The following TTC39A variants were observed in gnomAD, a reference collection of about 807,000 sequenced individuals.
The protein encoded by TTC39A is tetratricopeptide repeat protein 39A.
In TTC39A, 46 loss-of-function variants were observed where a neutral mutation model predicts 82.3. The observed-to-expected ratio is 0.56, with a 90% CI of 0.44 to 0.71. The LOEUF is 0.71. Ranked by LOEUF, TTC39A falls within the 30% of genes least tolerant of loss-of-function variation. The pLI, the probability that TTC39A is intolerant of heterozygous loss-of-function variation, is 0.00. For synonymous variants in TTC39A, 254 were observed against 275.2 expected, an observed-to-expected ratio of 0.92 and a Z score of 0.76; for missense variants, 543 against 712.9, an observed-to-expected ratio of 0.76 and a Z score of 2.71.
chr1:51,295,870 G>A (rs940103693), intron 13 of TTC39A: 2 of 606,344 alleles, frequency 3.3e-6, no homozygotes, highest in Non-Finnish European at 5.9e-6. Flanking sequence ...TCTGAAGAAA[G>A]TCAAAGGGCT....
Position 51,305,915 on chromosome 1 carries a change from A to G in TTC39A, c.588+62T>C, listed in dbSNP as rs1412283432. 3.3e-6 allele frequency: 5 copies of G among 1,522,350 alleles called. No individual in the cohort carries two copies. In the African/African-American group the frequency reaches 6.8e-5, roughly 21 times the overall value. 94.3% of individuals were successfully genotyped at this position (1,522,350 alleles called of 1,614,324 possible). A position where few individuals can be genotyped will look rare whatever the true frequency, so the allele number is the denominator to read the frequency against. ...ACTTGGCAGTGACCACACATGAGTC[A>G]GGGACAGAAGGGGAGACTGAGCTCA... On this transcript the variant is annotated intron_variant, in intron 7 of 17. Coordinates refer to ENST00000680483, the MANE Select transcript of TTC39A (RefSeq NM_001297663.2).
Position 51,289,970 on chromosome 1 carries a change from T to C in TTC39A, c.1493+35A>G, listed in dbSNP as rs1002961156. 1.9e-6 allele frequency: 3 copies of C among 1,580,210 alleles called. No individual in the cohort carries two copies. In the African/African-American group the frequency reaches 4.1e-5, roughly 21 times the overall value. On this transcript the variant is annotated intron_variant, in intron 16 of 17. Transcript: ENST00000680483. The stretch of plus-strand genomic sequence containing the variant: ...GCCCTGAATATTCTACCCAGGAGAC[T>C]CAGACCCAGAAGGAGCAGCTGCAGA...
At chr1:51,344,014 A>G (rs1012282788) in intron 1 of TTC39A, among the ~76,000 whole-genome samples, 2 of 152,130 alleles carry the variant, frequency 1.3e-5, no homozygotes, top group Non-Finnish European at 2.9e-5. Flanking sequence ...GCAATAGTCC[A>G]ATGAGAATAA....
Position 51,288,907 on chromosome 1 carries a change from C to T in TTC39A, c.1542G>A (p.Leu514=), listed in dbSNP as rs758401319. The T allele has an allele frequency of 1.8e-5, 29 of 1,612,192 alleles. No homozygotes were observed. The highest frequency in any genetic ancestry group is 1.6e-5 in the Non-Finnish European group (19 of 1,179,288). ...YDHYLIPNAL[L]ELALLLMEQD... Reference sequence around the variant, plus strand: ...GCTCCATAAGCAGCAGGGCCAGCTCCAGCAGGGCGTTTGGGATCAAGTAGT... The same window carrying T: ...GCTCCATAAGCAGCAGGGCCAGCTCTAGCAGGGCGTTTGGGATCAAGTAGT... The change falls in exon 17 of 18, where the codon CTG becomes CTA. Residue 514 remains leucine, a synonymous_variant. Transcript: ENST00000680483. This position sits in a 1 kb window ranked among gnomAD's most constrained non-coding sequence, Gnocchi z 4.8.
intron 2 of TTC39A, among the ~76,000 whole-genome samples, chr1:51,313,704 A>G (rs1242999710): frequency 6.6e-6 from 1 of 152,112 alleles, no homozygotes; most frequent in African/African-American, 2.4e-5. Flanking sequence ...CTCAGATTGC[A>G]ATGCCCTTCT....
intron 12 of TTC39A, 65 bp downstream of exon 12, chr1:51,301,507 C>T (rs758118123): frequency 2.8e-5 from 43 of 1,509,664 alleles, no homozygotes; most frequent in African/African-American, 1.9e-4. Context: ...GGATTTGGCC[C>T]GTGGTCTGGA....
rs1223244354 is a variant in TTC39A at position 51,288,369 on chromosome 1, C to G, written c.1611-89G>C. 12 of 1,584,478 alleles carry G rather than the reference C, an allele frequency of 7.6e-6. No individual in the cohort carries two copies. Among genetic ancestry groups the G allele is most frequent in the African/African-American group, 1.3e-5 (1 of 74,444 alleles). On this transcript the variant is annotated intron_variant, in intron 17 of 17. Coordinates refer to ENST00000680483, the MANE Select transcript of TTC39A (RefSeq NM_001297663.2). The surrounding 1 kb of genome is among the most constrained non-coding windows in gnomAD (Gnocchi z 4.8). ...TTTGAGCTGTATGAGCCCCGCGAGC[C>G]AAGGAAGGATTGTAGAGAAATTAAT...
chr1:51,305,201 AC>A, intron 7 of TTC39A, 55 bp from the exon 8 acceptor site: 2 of 1,552,816 alleles, frequency 1.3e-6, no homozygotes, highest in Non-Finnish European at 1.8e-6. Context: ...GGCAGGGGCC[AC>A]CCCCACTGTC....
intron 1 of TTC39A, chr1:51,322,188 G>A (rs774050083): frequency 8.0e-6 from 12 of 1,506,402 alleles, no homozygotes; most frequent in South Asian, 2.7e-5. Context: ...CCCAGGGGGT[G>A]CAGCCCAGCC....
Position 51,288,317 on chromosome 1 carries a change from C to T in TTC39A, c.1611-37G>A. The T allele has an allele frequency of 1.2e-6, 2 of 1,613,226 alleles. No individual in the cohort carries two copies. The highest frequency in any genetic ancestry group is 1.7e-6 in the Non-Finnish European group (2 of 1,179,448). ...CAGCGAATCAGACACATGAGGCTGC[C>T]TGCTCCCAGAGATGCTTTTCCTCCT... On this transcript the variant is annotated intron_variant, in intron 17 of 17. Transcript: ENST00000680483. The surrounding 1 kb of genome is among the most constrained non-coding windows in gnomAD (Gnocchi z 4.8).
rs1644324434 is a variant in TTC39A, at chr1:51,294,161, C to T, written c.1266+230G>A. ...TGGGGCTCTCTGTCCAGGAGGGTGT[C>T]CCTCTCTGCCTTTTATCTGCAGCCT... On this transcript the variant is annotated intron_variant, in intron 14 of 17. Coordinates refer to ENST00000680483, the MANE Select transcript of TTC39A (RefSeq NM_001297663.2). The surrounding 1 kb of genome is among the most constrained non-coding windows in gnomAD (Gnocchi z 4.3). Among the ~76,000 whole-genome samples, 1 of 152,102 alleles carries T rather than the reference C, an allele frequency of 6.6e-6. No individual in the cohort carries two copies. The highest frequency in any genetic ancestry group is 1.5e-5 in the Non-Finnish European group (1 of 67,998).
rs1335918634 is a variant in TTC39A, at chr1:51,296,095, C to T, written c.1129G>A (p.Glu377Lys). The stretch of plus-strand genomic sequence containing the variant: ...GGGACCCACCGAAATAATTCCACTT[C>T]GTCGTCCCCGAACGGCTTGTGGTCC... The part of the protein sequence containing the change: ...KEDHKPFGDD[E>K]VELFRAVPGL... The change falls in exon 13 of 18, where the codon GAA becomes AAA. Residue 377 changes from glutamate (E) to lysine (K), a missense_variant. Coordinates refer to ENST00000680483, the MANE Select transcript of TTC39A (RefSeq NM_001297663.2). 1 of 1,591,124 alleles carries T rather than the reference C, an allele frequency of 6.3e-7. No homozygotes were observed. The highest frequency in any genetic ancestry group is 8.6e-7 in the Non-Finnish European group (1 of 1,168,486).
intron 15 of TTC39A, among the ~76,000 whole-genome samples, 159 bp from the exon 16 acceptor site, chr1:51,290,278 T>C (rs41287286): frequency 1.3e-4 from 20 of 152,304 alleles, no homozygotes; most frequent in Non-Finnish European, 2.1e-4. Context: ...AGGCAAATAC[T>C]GAGACAATGA....
chr1:51,303,771 C>T (rs1267105861), intron 8 of TTC39A, among the ~76,000 whole-genome samples: 5 of 152,288 alleles, frequency 3.3e-5, no homozygotes, highest in Non-Finnish European at 2.9e-5. Flanking sequence ...CCCCTGCCTT[C>T]GAGATAAAGA....
intron 3 of TTC39A, among the ~76,000 whole-genome samples, chr1:51,312,549 G>C (rs903318761): frequency 3.9e-5 from 6 of 152,108 alleles, no homozygotes; most frequent in African/African-American, 1.2e-4. Context: ...TTCGTGTCCA[G>C]CCTGGCCTAC....
At chr1:51,344,064 T>A (rs1248300892) in intron 1 of TTC39A, among the ~76,000 whole-genome samples, 1 of 152,110 alleles carries the variant, frequency 6.6e-6, no homozygotes, top group African/African-American at 2.4e-5. Flanking sequence ...TCAACAGGAC[T>A]TGTAGACGGG....
intron 12 of TTC39A, chr1:51,300,367 A>C (rs1476421292): frequency 6.6e-6 from 1 of 152,064 alleles, no homozygotes; most frequent in African/African-American, 2.4e-5. Flanking sequence ...TACGGAAGAG[A>C]CCTCCATGCA....
At chr1:51,319,693 CTTTTTTT>C (rs148207553) in intron 2 of TTC39A, among the ~76,000 whole-genome samples, 2 of 141,718 alleles carry the variant, frequency 1.4e-5, no homozygotes, top group African/African-American at 5.1e-5. Flanking sequence ...TTTTCTTTTT[CTTTTTTT>C]TTTTTTTCCA....
chr1:51,313,474 C>G (rs1004110130), intron 2 of TTC39A, among the ~76,000 whole-genome samples: 1 of 152,182 alleles, frequency 6.6e-6, no homozygotes, highest in African/African-American at 2.4e-5. Context: ...CCAGTGGTTA[C>G]ACCTTCCCAT....
Sources: gnomAD v4.1 joint callset for allele counts (sites outside exome capture counted in the v4.1 genomes callset) on GRCh38, gnomAD v4.1.1 for gene constraint, Gnocchi (gnomAD v3.1) non-coding constraint, MANE v1.5 for transcripts, NCBI Gene and HGNC (gene_info 2026-07-23, HGNC 2026-07-21) for gene names.